Variants in FAM53B observed in about 807,000 individuals in gnomAD.
FAM53B encodes the protein protein FAM53B.
A neutral mutation model predicts 32.7 loss-of-function variants in FAM53B; 12 were observed. That is an observed-to-expected ratio of 0.37 (90% CI 0.24 to 0.59). The LOEUF (loss-of-function observed/expected upper bound fraction) is 0.59, where lower values mean the gene tolerates loss of function less well. FAM53B is among the 20% of genes least tolerant of loss of function. FAM53B has a pLI of 0.72. For synonymous variants in FAM53B, 234 were observed against 228.7 expected (o/e 1.02, Z -0.21); for missense variants, 477 against 577.7 (o/e 0.83, Z 1.79).
At chr10:124,627,452 A>G (rs1564860958) in intron 4 of FAM53B, among the ~76,000 whole-genome samples, 1 of 152,238 alleles carries the variant, frequency 6.6e-6, no homozygotes, top group Non-Finnish European at 1.5e-5. Context: ...GCATGAACAC[A>G]TTATTCCAAG....
intron 4 of FAM53B, among the ~76,000 whole-genome samples, chr10:124,658,902 ACACAGACTGCTAGCCACACCACC>A (rs1949612383): frequency 6.6e-6 from 1 of 152,210 alleles, no homozygotes; most frequent in Non-Finnish European, 1.5e-5. Context: ...CGGGCTCAGC[ACACAGACTGCTAGCCACACCACC>A]CAAGTTCAAA....
intron 1 of FAM53B, among the ~76,000 whole-genome samples, chr10:124,721,179 G>A (rs1950066649): frequency 6.6e-6 from 1 of 152,180 alleles, no homozygotes; most frequent in Non-Finnish European, 1.5e-5. Flanking sequence ...TCCAGCCTGG[G>A]GGACAGAGTA....
At chr10:124,724,813 A>G (rs1488356310) in intron 1 of FAM53B, among the ~76,000 whole-genome samples, 1 of 152,194 alleles carries the variant, frequency 6.6e-6, no homozygotes, top group African/African-American at 2.4e-5. Flanking sequence ...GCCCCATACG[A>G]GAATGTCACG....
chr10:124,688,354 T>C (rs925419213), intron 3 of FAM53B, among the ~76,000 whole-genome samples: 4 of 152,224 alleles, frequency 2.6e-5, no homozygotes, highest in Non-Finnish European at 5.9e-5. Context: ...CTTTAGCCTT[T>C]AGGGCATGTA....
rs562395906 is a variant in FAM53B at position 124,626,399 on chromosome 10, C to T, written c.907-2795G>A. On this transcript the variant is annotated intron_variant, in intron 4 of 4. Coordinates refer to ENST00000337318, the MANE Select transcript of FAM53B (RefSeq NM_014661.4). ...CGGTCGAAATTTGTGCCCCCCCCCC[C>T]CCCACCATTCCTCAGTGCAAAAGGT... Among the ~76,000 whole-genome samples, 3 of 147,228 alleles carry T rather than the reference C, an allele frequency of 2.0e-5. No homozygotes were observed. In the South Asian group the frequency reaches 6.8e-4, roughly 33 times the overall value.
chr10:124,736,935 G>A (rs1032623059), intron 1 of FAM53B, among the ~76,000 whole-genome samples: 1 of 152,222 alleles, frequency 6.6e-6, no homozygotes, highest in Non-Finnish European at 1.5e-5. Flanking sequence ...CTCCCCTGGT[G>A]AGCACTGGAT....
intron 1 of FAM53B, chr10:124,714,028 T>C (rs1049351395): frequency 6.6e-6 from 1 of 152,086 alleles, no homozygotes; most frequent in African/African-American, 2.4e-5. Context: ...ATATGAACAT[T>C]TGGGGAAGGG....
At chr10:124,708,289 T>C (rs188229254) in intron 1 of FAM53B, among the ~76,000 whole-genome samples, 1 of 152,352 alleles carries the variant, frequency 6.6e-6, no homozygotes, top group Admixed American at 6.5e-5. Context: ...AATTAGACTT[T>C]ACAGTGGGTG....
intron 4 of FAM53B, among the ~76,000 whole-genome samples, chr10:124,642,540 G>A (rs1367790258): frequency 6.6e-6 from 1 of 152,236 alleles, no homozygotes; most frequent in Non-Finnish European, 1.5e-5. Context: ...AGGCTGGCTT[G>A]CAGGTGTCCC....
intron 1 of FAM53B, among the ~76,000 whole-genome samples, chr10:124,724,272 C>A (rs1380068236): frequency 6.6e-6 from 1 of 152,130 alleles, no homozygotes; most frequent in Non-Finnish European, 1.5e-5. Flanking sequence ...TCTGACACTC[C>A]AGCAAGCTAG....
At chr10:124,636,921 G>A (rs916460702) in intron 4 of FAM53B, among the ~76,000 whole-genome samples, 1 of 151,950 alleles carries the variant, frequency 6.6e-6, no homozygotes, top group African/African-American at 2.4e-5. Context: ...AGAGTCAGGT[G>A]CAGCTAGACT....
At position 124,695,360 on chromosome 10, in the gene FAM53B, T is replaced by C. The variant is rs532415713; in HGVS notation, c.133+798A>G. On this transcript the variant is annotated intron_variant, in intron 3 of 4. Transcript: ENST00000337318. Reference sequence around the variant, plus strand: ...ATCAAGTAATCAATGGTCATCTTTTTTACCGCCTATAAAAAACAGTAATTC... The same window carrying C: ...ATCAAGTAATCAATGGTCATCTTTTCTACCGCCTATAAAAAACAGTAATTC... Among the ~76,000 whole-genome samples the C allele has an allele frequency of 9.2e-5, 14 of 152,280 alleles. No individual in the cohort carries two copies. The East Asian group carries it at 2.7e-3, about 29-fold the overall frequency.
At chr10:124,624,723 G>A (rs950072201) in intron 4 of FAM53B, among the ~76,000 whole-genome samples, 3 of 150,620 alleles carry the variant, frequency 2.0e-5, no homozygotes, top group African/African-American at 7.3e-5. Context: ...CCAGCGATGG[G>A]GGTAGGGCTG....
intron 3 of FAM53B, among the ~76,000 whole-genome samples, chr10:124,692,408 A>T (rs1483838211): frequency 3.3e-5 from 5 of 152,266 alleles, no homozygotes; most frequent in Middle Eastern, 3.4e-3. Context: ...AATTAAAATA[A>T]ATAAATAAAT....
chr10:124,711,075 G>C (rs537930585), intron 1 of FAM53B, among the ~76,000 whole-genome samples: 41 of 152,220 alleles, frequency 2.7e-4, no homozygotes, highest in Non-Finnish European at 5.1e-4. Flanking sequence ...CGCTTTGCTG[G>C]GTGAACAATT....
chr10:124,627,403 G>A (rs1357429981), intron 4 of FAM53B, among the ~76,000 whole-genome samples: 4 of 152,238 alleles, frequency 2.6e-5, no homozygotes, highest in African/African-American at 7.2e-5. Flanking sequence ...CCTCAAAAAT[G>A]TCTGCAAAAA....
chr10:124,715,660 T>C (rs1250380329), intron 1 of FAM53B, among the ~76,000 whole-genome samples: 2 of 152,220 alleles, frequency 1.3e-5, no homozygotes, highest in East Asian at 1.9e-4. Flanking sequence ...GATGTCTATC[T>C]GCTAAGTCAG....
chr10:124,677,924 T>C (rs1023126764), intron 4 of FAM53B, among the ~76,000 whole-genome samples: 1 of 152,114 alleles, frequency 6.6e-6, no homozygotes, highest in African/African-American at 2.4e-5. Context: ...GTGAATCCAA[T>C]TGTCACCATT....
chr10:124,638,565 T>G (rs1277436054), intron 4 of FAM53B, among the ~76,000 whole-genome samples: 1 of 152,186 alleles, frequency 6.6e-6, no homozygotes, highest in Non-Finnish European at 1.5e-5. Context: ...TGGTGCCAGC[T>G]GCACCACGAC....
Sources: gnomAD v4.1 joint callset for allele counts (sites outside exome capture counted in the v4.1 genomes callset) on GRCh38, gnomAD v4.1.1 for gene constraint, MANE v1.5 for transcripts, NCBI Gene and HGNC (gene_info 2026-07-23, HGNC 2026-07-21) for gene names.